CCDC148: variants seen among roughly 807,000 people sequenced by gnomAD.
CCDC148 encodes coiled-coil domain containing 148, also known as coiled-coil domain-containing protein 148.
In CCDC148, 89 loss-of-function variants were observed where a neutral mutation model predicts 85.7. That is an observed-to-expected ratio of 1.04 (90% confidence interval 0.87 to 1.24). The LOEUF (loss-of-function observed/expected upper bound fraction) is 1.24. Ranked by LOEUF, CCDC148 falls within the 50% of genes most tolerant of loss-of-function variation. CCDC148 has a pLI of 0.00. For synonymous variants in CCDC148, 230 were observed against 213.9 expected (o/e 1.08, Z -0.66); for missense variants, 692 against 671.7 (o/e 1.03, Z -0.33).
At chr2:158,438,939 C>T (rs1351306516) in intron 1 of CCDC148, among the ~76,000 whole-genome samples, 1 of 152,100 alleles carries the variant, frequency 6.6e-6, no homozygotes, top group Non-Finnish European at 1.5e-5. Context: ...CCATCTCATA[C>T]TAGTTAGAAT....
chr2:158,251,947 T>C (rs555961622), intron 9 of CCDC148, among the ~76,000 whole-genome samples: 1 of 151,890 alleles, frequency 6.6e-6, no homozygotes, highest in African/African-American at 2.4e-5. Flanking sequence ...GGTGACATTT[T>C]TTCAATAAGT....
intron 11 of CCDC148, among the ~76,000 whole-genome samples, chr2:158,193,742 C>T (rs927874623): frequency 6.6e-6 from 1 of 151,944 alleles, no homozygotes; most frequent in East Asian, 1.9e-4. Context: ...TATAGGAATA[C>T]AACAGATAAA....
intron 1 of CCDC148, among the ~76,000 whole-genome samples, chr2:158,401,964 G>A (rs552574365): frequency 1.3e-5 from 2 of 152,110 alleles, no homozygotes; most frequent in African/African-American, 2.4e-5. Flanking sequence ...AGAATCCCAC[G>A]AAGCATGAGT....
At chr2:158,421,633 G>A (rs914058983) in intron 1 of CCDC148, among the ~76,000 whole-genome samples, 1 of 152,142 alleles carries the variant, frequency 6.6e-6, no homozygotes, top group Non-Finnish European at 1.5e-5. Flanking sequence ...ACAAGAGAAA[G>A]CAGGAAAGAT....
chr2:158,342,513 T>C (rs1004380396), intron 3 of CCDC148, among the ~76,000 whole-genome samples: 1 of 152,178 alleles, frequency 6.6e-6, no homozygotes, highest in Non-Finnish European at 1.5e-5. Context: ...AGAACAGATT[T>C]GTTTAACCAA....
intron 7 of CCDC148, among the ~76,000 whole-genome samples, chr2:158,319,118 A>C (rs2105219173): frequency 6.6e-6 from 1 of 152,284 alleles, no homozygotes; most frequent in South Asian, 2.1e-4. Flanking sequence ...CCATATGCTA[A>C]GTTTTTAATA....
At chr2:158,366,076 T>C (rs1422675181) in intron 1 of CCDC148, 13 of 1,525,924 alleles carry the variant, frequency 8.5e-6, no homozygotes, top group African/African-American at 1.4e-5. Flanking sequence ...GTTTTCCGTA[T>C]CTGTTAAGGA....
chr2:158,240,448 T>TCA (rs1419458254), intron 10 of CCDC148, among the ~76,000 whole-genome samples: 11 of 47,796 alleles, frequency 2.3e-4, no homozygotes, highest in African/African-American at 4.6e-4. Flanking sequence ...TCTCTCTCTC[T>TCA]CTCTCACACA....
At chr2:158,356,597 A>G (rs1427256248) in intron 2 of CCDC148, among the ~76,000 whole-genome samples, 2 of 150,396 alleles carry the variant, frequency 1.3e-5, no homozygotes, top group African/African-American at 4.9e-5. Flanking sequence ...GCTGGAGAGG[A>G]TGTGGAGAAA....
chr2:158,333,624 G>T lies in CCDC148; in HGVS notation c.764+5102C>A, dbSNP rs76413405. 5.9e-5 allele frequency among the ~76,000 whole-genome samples: 9 copies of T among 152,230 alleles called. No homozygotes were observed. In the East Asian group the frequency reaches 1.7e-3, roughly 29 times the overall value. On this transcript the variant is annotated intron_variant, in intron 7 of 13. Coordinates refer to ENST00000283233, the MANE Select transcript of CCDC148 (RefSeq NM_138803.4). ...CTAATATTGACAGTGGGGTGTTAAA[G>T]TCTCCACTATTATTGTGTGGGAGTC...
At chr2:158,216,984 T>A (rs924093521) in intron 11 of CCDC148, among the ~76,000 whole-genome samples, 4 of 152,024 alleles carry the variant, frequency 2.6e-5, no homozygotes, top group African/African-American at 9.7e-5. Context: ...AAATAACTCA[T>A]CTAAAGATCA....
intron 9 of CCDC148, among the ~76,000 whole-genome samples, chr2:158,266,004 T>C (rs976847833): frequency 1.3e-5 from 2 of 152,158 alleles, no homozygotes; most frequent in African/African-American, 4.8e-5. Flanking sequence ...TAAGCATTCA[T>C]CTCTTTCCTA....
chr2:158,327,842 A>G (rs926166397), intron 7 of CCDC148, among the ~76,000 whole-genome samples: 1 of 152,058 alleles, frequency 6.6e-6, no homozygotes, highest in Non-Finnish European at 1.5e-5. Context: ...TTCCTATAGT[A>G]CAGATCTTTT....
At chr2:158,273,375 T>C (rs946032302) in intron 9 of CCDC148, among the ~76,000 whole-genome samples, 2 of 152,198 alleles carry the variant, frequency 1.3e-5, no homozygotes, top group African/African-American at 4.8e-5. Context: ...AAATCATATT[T>C]ATATTTGTGT....
chr2:158,358,665 A>G (rs1004152410), intron 1 of CCDC148, 95 bp from the exon 2 acceptor site: 22 of 627,622 alleles, frequency 3.5e-5, no homozygotes, highest in Non-Finnish European at 5.0e-5. Context: ...TTCAGATCTT[A>G]TTTTTAAATA....
At chr2:158,357,788 T>C (rs927640135) in intron 2 of CCDC148, among the ~76,000 whole-genome samples, 1 of 152,120 alleles carries the variant, frequency 6.6e-6, no homozygotes, top group Non-Finnish European at 1.5e-5. Context: ...AAACAAACCA[T>C]GAAAATTTTA....
At chr2:158,365,966 C>T (rs1318182444) in intron 1 of CCDC148, 3 of 1,267,174 alleles carry the variant, frequency 2.4e-6, no homozygotes, top group African/African-American at 1.6e-5. Flanking sequence ...TTCAAAAGTA[C>T]ATAATCCACT....
At chr2:158,257,914 C>T (rs1220709417) in intron 9 of CCDC148, among the ~76,000 whole-genome samples, 3 of 151,756 alleles carry the variant, frequency 2.0e-5, no homozygotes, top group East Asian at 1.9e-4. Flanking sequence ...AATTTACAAA[C>T]CTATCAGTCA....
At chr2:158,372,293 G>A (rs919660745) in intron 1 of CCDC148, among the ~76,000 whole-genome samples, 18 of 152,008 alleles carry the variant, frequency 1.2e-4, no homozygotes, top group Admixed American at 7.2e-4. Flanking sequence ...TGACTGTCTC[G>A]AAATTCTGAC....
Sources: allele counts gnomAD v4.1 joint callset (sites outside exome capture counted in the v4.1 genomes callset), GRCh38; gene constraint gnomAD v4.1.1; transcripts MANE v1.5; gene names NCBI Gene and HGNC (gene_info 2026-07-23, HGNC 2026-07-21).